Variants in ERC2 observed in about 807,000 individuals in gnomAD.
The protein encoded by ERC2 is ELKS/RAB6-interacting/CAST family member 2.
In ERC2, 42 loss-of-function variants were observed where a neutral mutation model predicts 114.8. That is an observed-to-expected ratio of 0.37 (90% confidence interval 0.29 to 0.47). The LOEUF (loss-of-function observed/expected upper bound fraction) is 0.47. Among genes scored for constraint, ERC2 ranks in the 20% least tolerant of loss-of-function variants. The probability of loss-of-function intolerance (pLI) is 0.99; values close to 1 mark genes in which losing one functional copy is unlikely to be tolerated. For synonymous variants in ERC2, 454 were observed against 425.5 expected (o/e 1.07, Z -0.82); for missense variants, 939 against 1,150.7 (o/e 0.82, Z 2.66).
intron 17 of ERC2, among the ~76,000 whole-genome samples, chr3:55,599,505 C>T (rs538454885): frequency 3.3e-5 from 5 of 152,334 alleles, no homozygotes; most frequent in African/African-American, 1.2e-4. Context: ...TATTCTGGAT[C>T]ATGGTTCATT....
intron 17 of ERC2, among the ~76,000 whole-genome samples, chr3:55,527,418 G>T (rs1032248007): frequency 4.6e-5 from 7 of 152,112 alleles, no homozygotes; most frequent in African/African-American, 1.7e-4. Flanking sequence ...GTTCATATTT[G>T]CCAGCTCTAG....
intron 6 of ERC2, among the ~76,000 whole-genome samples, chr3:56,089,268 A>G (rs2077661294): frequency 1.3e-5 from 2 of 152,336 alleles, no homozygotes; most frequent in Middle Eastern, 3.4e-3. Context: ...GTCAATTAAC[A>G]TAATTTATGT....
chr3:56,004,662 C>T (rs1372208393), intron 10 of ERC2, among the ~76,000 whole-genome samples: 2 of 151,964 alleles, frequency 1.3e-5, no homozygotes, highest in Non-Finnish European at 2.9e-5. Flanking sequence ...GGTTTCTGTT[C>T]AACGACACAC....
chr3:55,879,028 A>G (rs1360299635), intron 14 of ERC2, among the ~76,000 whole-genome samples: 1 of 151,828 alleles, frequency 6.6e-6, no homozygotes, highest in Non-Finnish European at 1.5e-5. Context: ...GATGTATTAG[A>G]GCAGTGTCCT....
intron 6 of ERC2, among the ~76,000 whole-genome samples, chr3:56,133,375 T>G (rs1369435750): frequency 3.3e-5 from 5 of 152,062 alleles, no homozygotes; most frequent in Non-Finnish European, 5.9e-5. Flanking sequence ...AGGCGGAGGT[T>G]GCAGTGAGCC....
At chr3:55,908,606 T>C (rs1197239872) in intron 13 of ERC2, among the ~76,000 whole-genome samples, 2 of 152,052 alleles carry the variant, frequency 1.3e-5, no homozygotes, top group Non-Finnish European at 2.9e-5. Context: ...TTAGAAATGA[T>C]AGAAGAGCAG....
intron 17 of ERC2, among the ~76,000 whole-genome samples, chr3:55,517,232 G>A (rs2052577878): frequency 6.6e-6 from 1 of 151,954 alleles, no homozygotes; most frequent in Non-Finnish European, 1.5e-5. Context: ...CTTGAGTCCA[G>A]GAGTTCAAGA....
chr3:55,995,552 A>G (rs1239070607), intron 10 of ERC2, among the ~76,000 whole-genome samples: 1 of 152,188 alleles, frequency 6.6e-6, no homozygotes, highest in Admixed American at 6.5e-5. Flanking sequence ...AAGTCATATA[A>G]AGATGACAGG....
chr3:56,232,374 A>G (rs997227152), intron 3 of ERC2, among the ~76,000 whole-genome samples: 3 of 152,196 alleles, frequency 2.0e-5, no homozygotes, highest in Non-Finnish European at 4.4e-5. Flanking sequence ...ACCTAGATAC[A>G]TTAGATCAAT....
rs185062656 is a variant in ERC2, at chr3:55,592,221, C to T, written c.*40-80945G>A. 2.0e-3 allele frequency among the ~76,000 whole-genome samples: 309 copies of T among 152,310 alleles called. 4 individuals are homozygous for T. The highest frequency in any genetic ancestry group is 0.019 in the Admixed American group (284 of 15,302). ...CTCTTGCTAACTCAGTGGCTGGGGCCGCTGTGGGCATATCCCCGTATCTGG... is the reference window on the plus strand; with the variant it reads ...CTCTTGCTAACTCAGTGGCTGGGGCTGCTGTGGGCATATCCCCGTATCTGG... On this transcript the variant is annotated intron_variant, in intron 17 of 17. Transcript: ENST00000288221.
rs1576168558 is a variant in ERC2 at position 56,265,762 on chromosome 3, C to G, written c.1074+30257G>C. On this transcript the variant is annotated intron_variant, in intron 3 of 17. Transcript: ENST00000288221. ...AAACTCAATAGGCCAGGCACAGTGG[C>G]TCATGCCTGTAATCCCGACACTTTG... Among the ~76,000 whole-genome samples, 3 of 152,178 alleles carry G rather than the reference C, an allele frequency of 2.0e-5. No individual in the cohort carries two copies. In the South Asian group the frequency reaches 6.2e-4, roughly 32 times the overall value.
chr3:56,193,003 AC>A (rs2047885781), intron 3 of ERC2, among the ~76,000 whole-genome samples: 1 of 152,120 alleles, frequency 6.6e-6, no homozygotes, highest in South Asian at 2.1e-4. Context: ...TCCATAAACT[AC>A]CTACCCGATT....
intron 14 of ERC2, among the ~76,000 whole-genome samples, chr3:55,758,781 G>A (rs773153446): frequency 6.6e-6 from 1 of 152,154 alleles, no homozygotes; most frequent in Non-Finnish European, 1.5e-5. Context: ...CTCAAACTGC[G>A]TAACGTTTTC....
At chr3:55,691,579 T>TAA (rs2062669375) in intron 16 of ERC2, among the ~76,000 whole-genome samples, 1 of 111,574 alleles carries the variant, frequency 9.0e-6, no homozygotes, top group Non-Finnish European at 1.7e-5. Context: ...AAAAAATATA[T>TAA]ATATATATAT....
chr3:56,430,922 T>C (rs2061762864), intron 2 of ERC2, among the ~76,000 whole-genome samples: 1 of 152,148 alleles, frequency 6.6e-6, no homozygotes, highest in Non-Finnish European at 1.5e-5. Context: ...TTTAAGGAGG[T>C]AGTGATCATA....
At chr3:55,972,330 T>C (rs2069227833) in intron 12 of ERC2, among the ~76,000 whole-genome samples, 1 of 152,212 alleles carries the variant, frequency 6.6e-6, no homozygotes, top group African/African-American at 2.4e-5. Context: ...TGCACAGGTA[T>C]ACATGTGCCA....
chr3:56,004,710 T>C (rs2072339552), intron 10 of ERC2, among the ~76,000 whole-genome samples: 1 of 151,836 alleles, frequency 6.6e-6, no homozygotes. Flanking sequence ...GAAAAATACC[T>C]GGACACTCAC....
At chr3:56,216,514 C>A (rs917835455) in intron 3 of ERC2, among the ~76,000 whole-genome samples, 4 of 152,128 alleles carry the variant, frequency 2.6e-5, no homozygotes, top group African/African-American at 7.2e-5. Flanking sequence ...GCTTACCAAC[C>A]AAAAACAGTC....
In ERC2 at chr3:55,653,471, A is replaced by G. The variant is rs139633907; in HGVS notation, c.*39+30323T>C. 6.2e-3 allele frequency among the ~76,000 whole-genome samples: 946 copies of G among 152,304 alleles called. 11 individuals are homozygous for G. The highest frequency in any genetic ancestry group is 0.022 in the African/African-American group (902 of 41,564). On this transcript the variant is annotated intron_variant, in intron 17 of 17. Coordinates refer to ENST00000288221, the MANE Select transcript of ERC2 (RefSeq NM_015576.3). ...AAAGAGCACCACAAAGCAATGACAGATTATACCGATGTGGAAAGAAGTCCA... is the reference window on the plus strand; with the variant it reads ...AAAGAGCACCACAAAGCAATGACAGGTTATACCGATGTGGAAAGAAGTCCA...
Sources: allele counts gnomAD v4.1 joint callset (sites outside exome capture counted in the v4.1 genomes callset), GRCh38; gene constraint gnomAD v4.1.1; transcripts MANE v1.5; gene names NCBI Gene and HGNC (gene_info 2026-07-23, HGNC 2026-07-21).